OSMR: variants seen among roughly 807,000 people sequenced by gnomAD.
OSMR encodes the protein oncostatin-M-specific receptor subunit beta.
OSMR carries 81 observed loss-of-function variants against 99.9 expected under a neutral mutation model. The ratio of observed to expected loss-of-function variants is 0.81; its 90% CI spans 0.68 to 0.97. OSMR has a LOEUF of 0.97. Among genes scored for constraint, OSMR ranks in the 50% least tolerant of loss-of-function variants. The probability of loss-of-function intolerance (pLI) is 0.00; values close to 1 mark genes in which losing one functional copy is unlikely to be tolerated. For synonymous variants in OSMR, 406 were observed against 410.4 expected, an observed-to-expected ratio of 0.99 and a Z score of 0.13; for missense variants, 1,099 against 1,153.4, an observed-to-expected ratio of 0.95 and a Z score of 0.68.
chr5:38,932,961 G>C lies in OSMR; in HGVS notation c.2457G>C (p.Gln819His). The change falls in exon 18 of 18, where the codon CAG becomes CAC. Residue 819 changes from glutamine to histidine, a missense_variant. Coordinates refer to ENST00000274276, the MANE Select transcript of OSMR (RefSeq NM_003999.3). ...VVSKPEGTKI[Q>H]FLGTRKSLTE... Reference sequence around the variant, plus strand: ...GCAAGCCAGAAGGGACAAAGATACAGTTCCTAGGCACTAGGAAGTCACTCA... The same window carrying C: ...GCAAGCCAGAAGGGACAAAGATACACTTCCTAGGCACTAGGAAGTCACTCA... 6.2e-7 allele frequency: 1 copy of C among 1,614,184 alleles called. No individual in the cohort carries two copies. Among genetic ancestry groups the C allele is most frequent in the South Asian group, 1.1e-5 (1 of 91,084 alleles).
chr5:38,933,284 G>A lies in OSMR; in HGVS notation c.2780G>A (p.Gly927Glu), dbSNP rs778371071. 6 of 1,614,172 alleles carry A rather than the reference G, an allele frequency of 3.7e-6. 1 individual carries two copies. Among genetic ancestry groups the A allele is most frequent in the South Asian group, 3.3e-5 (3 of 91,080 alleles). Residue 927 changes from glycine to glutamate, a missense_variant, in exon 18 of 18, where the codon GGA becomes GAA. Gly to Glu is a moderately conservative substitution (Grantham distance 98, BLOSUM62 -2). Coordinates refer to ENST00000274276, the MANE Select transcript of OSMR (RefSeq NM_003999.3). ...YVSQLASPMF[G>E]DKDSLPTNPV... The stretch of plus-strand genomic sequence containing the variant: ...TCCCAGTTGGCTTCACCCATGTTTG[G>A]AGACAAGGACAGTCTCCCAACAAAC...
downstream of OSMR, chr5:38,938,518 A>C (rs1747210238): frequency 4.3e-6 from 1 of 232,692 alleles, no homozygotes; most frequent in Non-Finnish European, 8.5e-6. Flanking sequence ...TTCTATAAAG[A>C]AAGTAAAACA....
At chr5:38,889,337 T>C (rs1011828561) in intron 7 of OSMR, among the ~76,000 whole-genome samples, 3 of 152,096 alleles carry the variant, frequency 2.0e-5, no homozygotes, top group African/African-American at 7.2e-5. Flanking sequence ...TTTGTCGCTT[T>C]CTCTTGAATT....
At position 38,883,070 on chromosome 5, in the gene OSMR, T is replaced by C. The variant is rs192933791; in HGVS notation, c.419-757T>C. Among the ~76,000 whole-genome samples, 3 of 152,258 alleles carry C rather than the reference T, an allele frequency of 2.0e-5. No individual in the cohort carries two copies. The East Asian group carries it at 5.8e-4, about 29-fold the overall frequency. The stretch of plus-strand genomic sequence containing the variant: ...GGCTCACATCTGTAATTCTAGTACT[T>C]TGGGAGGCTGAGGTGGGCGGATTGC... On this transcript the variant is annotated intron_variant, in intron 4 of 17. Transcript: ENST00000274276.
chr5:38,925,696 T>C (rs971080165), intron 15 of OSMR, among the ~76,000 whole-genome samples: 1 of 152,172 alleles, frequency 6.6e-6, no homozygotes, highest in African/African-American at 2.4e-5. Flanking sequence ...ACAGATAGCA[T>C]ATTTTAGTGT....
intron 7 of OSMR, among the ~76,000 whole-genome samples, chr5:38,900,835 G>A (rs1311154983): frequency 6.6e-6 from 1 of 152,146 alleles, no homozygotes; most frequent in African/African-American, 2.4e-5. Flanking sequence ...GGATAGTTTT[G>A]TTTTCAGGCA....
At chr5:38,943,091 G>A in intron 1 of OSMR, 2 of 596,820 alleles carry the variant, frequency 3.4e-6, no homozygotes, top group Non-Finnish European at 5.8e-6. Flanking sequence ...TGGCATACTT[G>A]GGGTGATGAC....
chr5:38,903,956 C>T lies in OSMR; in HGVS notation c.1066C>T (p.His356Tyr). 2 of 1,613,896 alleles carry T rather than the reference C, an allele frequency of 1.2e-6. No individual in the cohort carries two copies. Among genetic ancestry groups the T allele is most frequent in the South Asian group, 1.1e-5 (1 of 91,040 alleles). The part of the protein sequence containing the change: ...ATNAIMTWKV[H>Y]SIRNNFTYLC... ...AAATGCCATCATGACCTGGAAGGTG[C>T]ACTCCATAAGGAATAATTTCACATA... Residue 356 changes from histidine (H) to tyrosine (Y), a missense_variant, in exon 8 of 18, where the codon CAC becomes TAC. Transcript: ENST00000274276.
At chr5:38,851,896 C>T (rs944230988) in intron 1 of OSMR, among the ~76,000 whole-genome samples, 4 of 152,124 alleles carry the variant, frequency 2.6e-5, no homozygotes, top group Admixed American at 2.6e-4. Flanking sequence ...AAGGGGAAAC[C>T]ACTTTCACTT....
downstream of OSMR, chr5:38,938,675 A>G (rs1747223409): frequency 4.3e-6 from 1 of 232,724 alleles, no homozygotes; most frequent in African/African-American, 2.2e-5. Flanking sequence ...TAAAAGAAGA[A>G]AAGAATGCTC....
At chr5:38,862,773 A>C (rs1375628669) in intron 1 of OSMR, among the ~76,000 whole-genome samples, 2 of 152,082 alleles carry the variant, frequency 1.3e-5, no homozygotes, top group African/African-American at 2.4e-5. Context: ...GCGGCCGGGC[A>C]GAGGCTGCAA....
chr5:38,860,478 T>C (rs561701167), intron 1 of OSMR, among the ~76,000 whole-genome samples: 10 of 152,342 alleles, frequency 6.6e-5, no homozygotes, highest in Non-Finnish European at 1.5e-4. Flanking sequence ...CCTAGTATTT[T>C]ATTGAGGATT....
At position 38,846,368 on chromosome 5, in the gene OSMR, GC is replaced by G; in HGVS notation, c.-28del. On this transcript the variant is annotated 5_prime_UTR_variant, in exon 1 of 18. Coordinates refer to ENST00000274276, the MANE Select transcript of OSMR (RefSeq NM_003999.3). ...CTCGGACGGCGCTCGGAGGGTCCTC[GC>G]CCCCGGCCTGCCTACCTGGTGGGTG... is the stretch of plus-strand genomic sequence containing the variant. The G allele has an allele frequency of 6.6e-6, 1 of 152,388 alleles. No individual in the cohort carries two copies. Among genetic ancestry groups the G allele is most frequent in the Non-Finnish European group, 1.5e-5 (1 of 68,078 alleles). The allele number at this position is 152,388 out of a possible 1,614,324, so 9.4% of individuals were successfully genotyped here.
intron 2 of OSMR, among the ~76,000 whole-genome samples, chr5:38,871,176 C>G (rs1019643775): frequency 6.6e-6 from 1 of 152,210 alleles, no homozygotes; most frequent in African/African-American, 2.4e-5. Flanking sequence ...GCATCTAACT[C>G]TAAGCTTTCA....
chr5:38,900,825 G>A (rs1744843054), intron 7 of OSMR, among the ~76,000 whole-genome samples: 1 of 152,164 alleles, frequency 6.6e-6, no homozygotes, highest in Admixed American at 6.6e-5. Flanking sequence ...GGTTGTTTCA[G>A]GATAGTTTTG....
rs1481969168 is a variant in OSMR at position 38,876,293 on chromosome 5, A to T, written c.166A>T (p.Asn56Tyr). Reference protein sequence around the residue: ...QSLHLQWTVHNLPYHQELKMV... With the variant: ...QSLHLQWTVHYLPYHQELKMV... ...TTTGCACTTACAATGGACTGTCCAC[A>T]ACCTTCCTTATCATCAGGAATTGAA... Residue 56 changes from asparagine (N) to tyrosine (Y), a missense_variant, in exon 3 of 18, where the codon AAC becomes TAC. Asn to Tyr is a moderately radical substitution (Grantham distance 143). Coordinates refer to ENST00000274276, the MANE Select transcript of OSMR (RefSeq NM_003999.3). 6.2e-7 allele frequency: 1 copy of T among 1,613,168 alleles called. No homozygotes were observed. The highest frequency in any genetic ancestry group is 1.7e-5 in the Admixed American group (1 of 60,010).
At chr5:38,908,729 C>T (rs1340373306) in intron 9 of OSMR, among the ~76,000 whole-genome samples, 2 of 152,144 alleles carry the variant, frequency 1.3e-5, no homozygotes, top group Non-Finnish European at 2.9e-5. Flanking sequence ...AGATGTCCCC[C>T]AAGGACATCA....
At chr5:38,920,160 C>T (rs1268343757) in intron 11 of OSMR, among the ~76,000 whole-genome samples, 1 of 152,104 alleles carries the variant, frequency 6.6e-6, no homozygotes, top group Non-Finnish European at 1.5e-5. Flanking sequence ...TTGGGGTCTC[C>T]TACCACACCC....
At chr5:38,919,356 A>G in intron 11 of OSMR, 2 of 1,365,666 alleles carry the variant, frequency 1.5e-6, no homozygotes, top group South Asian at 2.5e-5. Context: ...CCTAACAAAC[A>G]GTCACCACTG....
Sources: allele counts gnomAD v4.1 joint callset (sites outside exome capture counted in the v4.1 genomes callset), GRCh38; gene constraint gnomAD v4.1.1; transcripts MANE v1.5; gene names NCBI Gene and HGNC (gene_info 2026-07-23, HGNC 2026-07-21).